The following MPHOSPH9 variants were observed in gnomAD, a reference collection of about 807,000 sequenced individuals.
MPHOSPH9 encodes the protein M-phase phosphoprotein 9.
In MPHOSPH9, 88 loss-of-function variants were observed where a neutral mutation model predicts 145.5. That is an observed-to-expected ratio of 0.60 (90% CI 0.51 to 0.72). MPHOSPH9 has a LOEUF of 0.72. MPHOSPH9 is among the 30% of genes least tolerant of loss of function. MPHOSPH9 has a pLI of 0.00. For synonymous variants in MPHOSPH9, 435 were observed against 486.2 expected (o/e 0.89, Z 1.39); for missense variants, 1,238 against 1,386.6 (o/e 0.89, Z 1.70).
At chr12:123,214,715 T>TA (rs768635704) in intron 7 of MPHOSPH9, 29 bp downstream of exon 7, 27 of 1,537,644 alleles carry the variant, frequency 1.8e-5, no homozygotes, top group African/African-American at 5.5e-5. Context: ...TAGTTTAGGT[T>TA]AAAAAAAATA....
rs1452887543 is a variant in MPHOSPH9 at position 123,198,248 on chromosome 12, A to C, written c.2024T>G (p.Val675Gly). ...ENKNNLLEIE[V>G]NDLRERFSAA... Reference sequence around the variant, plus strand: ...ACCCACCAAAAAAAGAGTACTTACCACTTCAATTTCCAGTAAGTTATTCTT... The same window carrying C: ...ACCCACCAAAAAAAGAGTACTTACCCCTTCAATTTCCAGTAAGTTATTCTT... The change falls in exon 12 of 24, where the codon GTG (valine) becomes GGG (glycine). Residue 675 changes from valine (V) to glycine (G), a missense_variant and splice_region_variant. Val to Gly is a moderately radical substitution (Grantham distance 109). Coordinates refer to ENST00000606320, the MANE Select transcript of MPHOSPH9 (RefSeq NM_022782.4). The C allele has an allele frequency of 6.2e-7, 1 of 1,606,154 alleles. No homozygotes were observed. Among genetic ancestry groups the C allele is most frequent in the Non-Finnish European group, 8.5e-7 (1 of 1,174,776 alleles).
chr12:123,166,505 T>A, intron 17 of MPHOSPH9, 150 bp downstream of exon 17: 2 of 876,940 alleles, frequency 2.3e-6, no homozygotes, highest in South Asian at 3.1e-5. Flanking sequence ...ATTCTAAAAG[T>A]AGTAGCCTTT....
At chr12:123,193,122 C>T (rs1335179009) in intron 13 of MPHOSPH9, among the ~76,000 whole-genome samples, 75 of 141,382 alleles carry the variant, frequency 5.3e-4, no homozygotes, top group South Asian at 2.1e-3. Flanking sequence ...CACACACACA[C>T]ACACACACAC....
intron 12 of MPHOSPH9, among the ~76,000 whole-genome samples, chr12:123,197,458 C>T (rs940488619): frequency 6.6e-6 from 1 of 151,998 alleles, no homozygotes; most frequent in South Asian, 2.1e-4. Flanking sequence ...TGACATGAGC[C>T]ACCACACCTG....
chr12:123,181,082 G>C (rs2045113844), intron 14 of MPHOSPH9, 81 bp downstream of exon 14: 1 of 1,297,026 alleles, frequency 7.7e-7, no homozygotes, highest in Non-Finnish European at 1.1e-6. Flanking sequence ...GTGCAAGGAG[G>C]AGAAGAGTCA....
At chr12:123,233,487 G>A (rs1052199946), upstream of MPHOSPH9, 1 of 152,258 alleles carries the variant, frequency 6.6e-6, no homozygotes, top group Non-Finnish European at 1.5e-5. Context: ...AGGTGATTTG[G>A]ATATCCCTAG....
intron 8 of MPHOSPH9, among the ~76,000 whole-genome samples, chr12:123,205,328 T>C (rs1157156072): frequency 6.6e-6 from 1 of 152,128 alleles, no homozygotes; most frequent in Non-Finnish European, 1.5e-5. Flanking sequence ...GGTGGATCAC[T>C]TGAGGTCAGA....
chr12:123,207,156 A>T (rs1473979686), intron 8 of MPHOSPH9, among the ~76,000 whole-genome samples: 1 of 151,608 alleles, frequency 6.6e-6, no homozygotes, highest in Non-Finnish European at 1.5e-5. Flanking sequence ...TAAAAAAAAA[A>T]AAAAAAAAAA....
intron 13 of MPHOSPH9, among the ~76,000 whole-genome samples, chr12:123,189,499 C>G (rs941002292): frequency 6.6e-6 from 1 of 152,124 alleles, no homozygotes; most frequent in Non-Finnish European, 1.5e-5. Flanking sequence ...CAATGACAAA[C>G]TGGCAAAAGG....
At chr12:123,243,410 G>T (rs2047977098) in intron 1 of MPHOSPH9, among the ~76,000 whole-genome samples, 1 of 152,052 alleles carries the variant, frequency 6.6e-6, no homozygotes, top group Non-Finnish European at 1.5e-5. Context: ...GATGCCTGTA[G>T]TCCCAGCTAC....
intron 7 of MPHOSPH9, among the ~76,000 whole-genome samples, chr12:123,212,416 G>A (rs74240771): frequency 0.047 from 7,194 of 152,156 alleles, 315 homozygotes; most frequent in East Asian, 0.27. Context: ...ACAGCCAGGC[G>A]CAATGACTCA....
intron 13 of MPHOSPH9, among the ~76,000 whole-genome samples, chr12:123,182,271 T>TTTGATGGAGTC: frequency 6.6e-6 from 1 of 150,672 alleles, no homozygotes. Context: ...GTTTTTTTTT[T>TTTGATGGAGTC]TTGATGGAGT....
At chr12:123,163,386 A>C in intron 19 of MPHOSPH9, 1 of 376,652 alleles carries the variant, frequency 2.7e-6, no homozygotes, top group Non-Finnish European at 4.7e-6. Flanking sequence ...TCAGGATTTT[A>C]GAAGTCGACT....
Position 123,230,315 on chromosome 12 carries a change from A to T in MPHOSPH9, c.50T>A (p.Val17Glu). Residue 17 changes from valine to glutamate, a missense_variant, in exon 2 of 24, where the codon GTA (valine) becomes GAA (glutamate). Val to Glu is a moderately radical substitution (Grantham distance 121, BLOSUM62 -2). This residue lies in a region of MPHOSPH9 where 837 missense variants were observed against 897.5 expected (regional missense o/e 0.93). Coordinates refer to ENST00000606320, the MANE Select transcript of MPHOSPH9 (RefSeq NM_022782.4). ...ATGAAGAGAATTTTCATCAGATCCTACAGAAGATGAAGTTTTGTGTAAGGT... is the reference window on the plus strand; with the variant it reads ...ATGAAGAGAATTTTCATCAGATCCTTCAGAAGATGAAGTTTTGTGTAAGGT... ...VKTLHKTSSS[V>E]GSDENSLHSL... is the part of the protein sequence containing the mutation. 6.5e-7 allele frequency: 1 copy of T among 1,534,478 alleles called. No homozygotes were observed. Among genetic ancestry groups the T allele is most frequent in the Non-Finnish European group, 8.7e-7 (1 of 1,145,656 alleles).
downstream of MPHOSPH9, among the ~76,000 whole-genome samples, chr12:123,153,788 AG>A (rs2043814013): frequency 1.3e-5 from 2 of 148,844 alleles, no homozygotes; most frequent in Admixed American, 6.7e-5. Flanking sequence ...AAAAAAAAAA[AG>A]GATGCTACCT....
intron 16 of MPHOSPH9, 83 bp downstream of exon 16, chr12:123,176,605 A>T: frequency 9.8e-7 from 1 of 1,024,828 alleles, no homozygotes; most frequent in South Asian, 1.5e-5. Context: ...GGACTTTCTT[A>T]TGATTTAGAC....
intron 12 of MPHOSPH9, among the ~76,000 whole-genome samples, chr12:123,197,031 G>GTTTT (rs56061451): frequency 2.7e-5 from 2 of 72,988 alleles, no homozygotes; most frequent in Admixed American, 1.7e-4. Flanking sequence ...AGGGGTGTGG[G>GTTTT]TTTTTTTTTT....
chr12:123,222,903 T>C (rs2047267856), intron 4 of MPHOSPH9, 135 bp downstream of exon 4: 4 of 536,646 alleles, frequency 7.5e-6, no homozygotes, highest in Middle Eastern at 6.7e-4. Flanking sequence ...GCCACTGCAC[T>C]CCAACCTGGG....
At chr12:123,188,545 T>C (rs933169654) in intron 13 of MPHOSPH9, among the ~76,000 whole-genome samples, 10 of 152,084 alleles carry the variant, frequency 6.6e-5, no homozygotes, top group African/African-American at 2.2e-4. Context: ...GACTTTGGAA[T>C]TGTTTAAAAA....
Sources: gnomAD v4.1 joint callset for allele counts (sites outside exome capture counted in the v4.1 genomes callset) on GRCh38, gnomAD v4.1.1 for gene constraint, gnomAD v4.1.1 regional missense constraint, MANE v1.5 for transcripts, NCBI Gene and HGNC (gene_info 2026-07-23, HGNC 2026-07-21) for gene names.